MSI2: variants seen among roughly 807,000 people sequenced by gnomAD.
The protein encoded by MSI2 is RNA-binding protein Musashi homolog 2.
Under a neutral mutation model 45.6 loss-of-function variants are expected in MSI2, and 17 were observed. The observed-to-expected ratio is 0.37, with a 90% confidence interval of 0.26 to 0.56. The LOEUF is 0.56. MSI2 is among the 20% of genes least tolerant of loss of function. The pLI, the probability that MSI2 is intolerant of heterozygous loss-of-function variation, is 0.77. For missense variants in MSI2, 293 were observed against 444.2 expected (o/e 0.66, Z 3.06); for synonymous variants, 156 against 158.2 (o/e 0.99, Z 0.11).
intron 5 of MSI2, among the ~76,000 whole-genome samples, chr17:57,357,903 T>G (rs1216713908): frequency 6.6e-6 from 1 of 152,220 alleles, no homozygotes; most frequent in Non-Finnish European, 1.5e-5. Flanking sequence ...CCCTTACCTT[T>G]GACCTTAGTG....
chr17:57,652,286 G>A lies in MSI2; in HGVS notation c.790+125G>A. ...CCACTCTCACCACAGCCCCGGGGAG[G>A]GGGTGGACGGGGAGGGGGTGGACCG... On this transcript the variant is annotated intron_variant, in intron 11 of 13. Transcript: ENST00000284073. This position sits in a 1 kb window ranked among gnomAD's most constrained non-coding sequence, Gnocchi z 4.1. 4.0e-6 allele frequency: 4 copies of A among 996,202 alleles called. No individual in the cohort carries two copies. Among genetic ancestry groups the A allele is most frequent in the South Asian group, 1.5e-5 (1 of 65,442 alleles). 61.7% of individuals were successfully genotyped at this position (996,202 alleles called of 1,614,324 possible). A position where few individuals can be genotyped will look rare whatever the true frequency, so the allele number is the denominator to read the frequency against.
chr17:57,392,183 A>G (rs2042083975), intron 5 of MSI2, among the ~76,000 whole-genome samples: 1 of 151,988 alleles, frequency 6.6e-6, no homozygotes, highest in African/African-American at 2.4e-5. Context: ...TTTGTCGGTT[A>G]CCTCCCCCAG....
chr17:57,371,364 G>A (rs1376940298), intron 5 of MSI2, among the ~76,000 whole-genome samples: 3 of 152,168 alleles, frequency 2.0e-5, no homozygotes, highest in Non-Finnish European at 4.4e-5. Flanking sequence ...TACTGCTTCT[G>A]CCATGTTCCT....
intron 5 of MSI2, among the ~76,000 whole-genome samples, chr17:57,318,781 G>A (rs780834376): frequency 4.6e-5 from 7 of 152,118 alleles, no homozygotes; most frequent in Non-Finnish European, 8.8e-5. Flanking sequence ...TTCTTGTGTC[G>A]TTTCTCCTGT....
rs192847870 is a variant in MSI2, at chr17:57,401,529, A to G, written c.405+58A>G. 7.8e-6 allele frequency: 11 copies of G among 1,403,704 alleles called. No homozygotes were observed. In the East Asian group the frequency reaches 2.5e-4, roughly 32 times the overall value. The allele number at this position is 1,403,704 out of a possible 1,614,324, so 87.0% of individuals were successfully genotyped here. A position where few individuals can be genotyped will look rare whatever the true frequency, so the allele number is the denominator to read the frequency against. On this transcript the variant is annotated intron_variant, in intron 6 of 13. Coordinates refer to ENST00000284073, the MANE Select transcript of MSI2 (RefSeq NM_138962.4). The stretch of plus-strand genomic sequence containing the variant: ...CAGAAGTAGCCTCATCAGTCCTAAG[A>G]AGAGGCTACCGTGGCCCCCGCCCCT...
At chr17:57,399,262 T>C (rs563659077) in intron 5 of MSI2, among the ~76,000 whole-genome samples, 2 of 152,310 alleles carry the variant, frequency 1.3e-5, no homozygotes. Flanking sequence ...CCCCCATTCA[T>C]CTGAAAAGAG....
intron 7 of MSI2, among the ~76,000 whole-genome samples, chr17:57,576,192 G>A (rs970616021): frequency 9.2e-5 from 14 of 152,192 alleles, no homozygotes; most frequent in Non-Finnish European, 1.9e-4. Context: ...CAGGGGCTGA[G>A]GATATGGTGG....
intron 6 of MSI2, among the ~76,000 whole-genome samples, chr17:57,511,154 G>A (rs2086345350): frequency 6.6e-6 from 1 of 152,190 alleles, no homozygotes; most frequent in South Asian, 2.1e-4. Context: ...AGCCAGCATG[G>A]TGCACTGAGT....
At chr17:57,365,722 A>G (rs983940608) in intron 5 of MSI2, among the ~76,000 whole-genome samples, 18 of 152,172 alleles carry the variant, frequency 1.2e-4, no homozygotes, top group Admixed American at 7.9e-4. Flanking sequence ...AAGGCTGGCA[A>G]TGAGCAAACA....
At chr17:57,265,115 T>C (rs973515222) in intron 5 of MSI2, 2 of 152,152 alleles carry the variant, frequency 1.3e-5, no homozygotes, top group East Asian at 1.9e-4. Flanking sequence ...TATTTTCCAA[T>C]AGAATTTGAG....
At chr17:57,354,698 G>T (rs1038814909) in intron 5 of MSI2, among the ~76,000 whole-genome samples, 31 of 152,106 alleles carry the variant, frequency 2.0e-4, no homozygotes, top group Admixed American at 1.6e-3. Context: ...GATGAGGAAG[G>T]GGGTGGGAGA....
At chr17:57,657,345 G>A (rs529264499) in intron 11 of MSI2, among the ~76,000 whole-genome samples, 159 of 152,266 alleles carry the variant, frequency 1.0e-3, no homozygotes, top group Non-Finnish European at 1.9e-3. Flanking sequence ...GAGGTACACA[G>A]GGAGATGGCT....
rs1253825209 is a variant in MSI2, at chr17:57,683,231, GT to G, written c.*3715del. 3.0e-5 allele frequency: 7 copies of G among 229,636 alleles called. No homozygotes were observed. Among genetic ancestry groups the G allele is most frequent in the Admixed American group, 2.8e-4 (5 of 17,654 alleles). The allele number at this position is 229,636 out of a possible 1,614,324, so 14.2% of individuals were successfully genotyped here. On this transcript the variant is annotated 3_prime_UTR_variant, in exon 14 of 14. Coordinates refer to ENST00000284073, the MANE Select transcript of MSI2 (RefSeq NM_138962.4). This position sits in a 1 kb window ranked among gnomAD's most constrained non-coding sequence, Gnocchi z 5.2. ...ATGTTACACACATCTTGCTAGACTA[GT>G]ATAAAAATCATTGGGTAATTGTTGG... is the stretch of plus-strand genomic sequence containing the variant.
At chr17:57,373,152 G>C (rs1278927980) in intron 5 of MSI2, among the ~76,000 whole-genome samples, 2 of 151,732 alleles carry the variant, frequency 1.3e-5, no homozygotes, top group Non-Finnish European at 2.9e-5. Flanking sequence ...AGCCACTTGG[G>C]AGGCTGAGGC....
rs555530703 is a variant in MSI2, at chr17:57,539,016, A to T, written c.454+9292A>T. ...GGAACAGTCTCTGCCCATACTAAAC[A>T]CTCAAATATGTTTTATGCACACGTG... is the stretch of plus-strand genomic sequence containing the variant. On this transcript the variant is annotated intron_variant, in intron 7 of 13. Coordinates refer to ENST00000284073, the MANE Select transcript of MSI2 (RefSeq NM_138962.4). 2.0e-5 allele frequency among the ~76,000 whole-genome samples: 3 copies of T among 152,256 alleles called. No homozygotes were observed. The East Asian group carries it at 5.8e-4, about 29-fold the overall frequency.
intron 11 of MSI2, among the ~76,000 whole-genome samples, chr17:57,662,001 C>T (rs1912025665): frequency 2.0e-5 from 3 of 152,178 alleles, no homozygotes; most frequent in Admixed American, 2.0e-4. Flanking sequence ...CACCTGCTTT[C>T]CCCAACAATA....
At chr17:57,694,858 G>A in the MSI2 span, among the ~76,000 whole-genome samples, 1 of 152,306 alleles carries the variant, frequency 6.6e-6, no homozygotes. Context: ...CCTAACCAAT[G>A]TGTACATCCT....
chr17:57,257,394 A>G, intron 2 of MSI2, 72 bp from the exon 3 acceptor site: 2 of 947,812 alleles, frequency 2.1e-6, no homozygotes, highest in Admixed American at 2.5e-5. Flanking sequence ...TTTGTCCTTG[A>G]TCAAAATTTG....
At chr17:57,574,974 G>A (rs565908160) in intron 7 of MSI2, among the ~76,000 whole-genome samples, 73 of 152,130 alleles carry the variant, frequency 4.8e-4, no homozygotes, top group African/African-American at 1.6e-3. Flanking sequence ...GGGACTGCAG[G>A]TGCCCACCAC....
Sources: gnomAD v4.1 joint callset for allele counts (sites outside exome capture counted in the v4.1 genomes callset) on GRCh38, gnomAD v4.1.1 for gene constraint, Gnocchi (gnomAD v3.1) non-coding constraint, MANE v1.5 for transcripts, NCBI Gene and HGNC (gene_info 2026-07-23, HGNC 2026-07-21) for gene names.